Variants in NPAS3 observed in about 807,000 individuals in gnomAD.
NPAS3 encodes the protein neuronal PAS domain protein 3.
A neutral mutation model predicts 73.1 loss-of-function variants in NPAS3; 14 were observed. The observed-to-expected ratio is 0.19, with a 90% CI of 0.13 to 0.30. NPAS3 has a LOEUF of 0.30. Ranked by LOEUF, NPAS3 falls within the 10% of genes least tolerant of loss-of-function variation. The pLI, the probability that NPAS3 is intolerant of heterozygous loss-of-function variation, is 1.00. For synonymous variants in NPAS3, 620 were observed against 541.5 expected (o/e 1.14, Z -2.01); for missense variants, 1,096 against 1,250.0 (o/e 0.88, Z 1.86).
intron 3 of NPAS3, among the ~76,000 whole-genome samples, chr14:33,261,622 A>G (rs1056162203): frequency 3.3e-5 from 5 of 152,206 alleles, no homozygotes; most frequent in African/African-American, 9.6e-5. Context: ...TGACTCTTTT[A>G]GGTATTCAGA....
At chr14:33,298,722 G>A (rs1021532797) in intron 3 of NPAS3, among the ~76,000 whole-genome samples, 8 of 151,990 alleles carry the variant, frequency 5.3e-5, no homozygotes, top group African/African-American at 1.9e-4. Flanking sequence ...ATGTATAAGG[G>A]GAAATTCGTT....
intron 6 of NPAS3, among the ~76,000 whole-genome samples, chr14:33,682,253 A>G (rs2140364254): frequency 6.6e-6 from 1 of 152,308 alleles, no homozygotes; most frequent in Non-Finnish European, 1.5e-5. Context: ...GGGCTGTAGC[A>G]ATGATCGGGA....
At chr14:33,211,061 A>G (rs2047015628) in intron 2 of NPAS3, among the ~76,000 whole-genome samples, 1 of 152,210 alleles carries the variant, frequency 6.6e-6, no homozygotes, top group South Asian at 2.1e-4. Context: ...CATGTCTTAT[A>G]CAGCATTACT....
At chr14:33,556,140 C>T (rs1004620114) in intron 4 of NPAS3, among the ~76,000 whole-genome samples, 2 of 152,144 alleles carry the variant, frequency 1.3e-5, no homozygotes, top group African/African-American at 4.8e-5. Flanking sequence ...AGATGTTTAG[C>T]CTCCAGATAT....
chr14:33,658,957 G>C (rs917358277), intron 5 of NPAS3, among the ~76,000 whole-genome samples: 3 of 152,094 alleles, frequency 2.0e-5, no homozygotes, highest in Admixed American at 1.3e-4. Context: ...AGGCATAATA[G>C]ATAAGCTGCC....
At chr14:33,526,008 T>C (rs767262213) in intron 4 of NPAS3, among the ~76,000 whole-genome samples, 1 of 151,720 alleles carries the variant, frequency 6.6e-6, no homozygotes, top group Non-Finnish European at 1.5e-5. Flanking sequence ...AAAACACAGG[T>C]GAAATGAAAA....
intron 4 of NPAS3, among the ~76,000 whole-genome samples, chr14:33,518,789 T>C (rs80184860): frequency 6.6e-6 from 1 of 151,720 alleles, no homozygotes; most frequent in Non-Finnish European, 1.5e-5. Flanking sequence ...CCCAAATACT[T>C]CTCCTTCTTA....
chr14:33,286,713 T>C (rs1035479772), intron 3 of NPAS3, among the ~76,000 whole-genome samples: 23 of 152,164 alleles, frequency 1.5e-4, no homozygotes, highest in African/African-American at 5.6e-4. Context: ...GTTTTTTTAT[T>C]AGGTAGTCTC....
At chr14:33,049,470 G>A (rs1380224665) in intron 1 of NPAS3, among the ~76,000 whole-genome samples, 1 of 152,196 alleles carries the variant, frequency 6.6e-6, no homozygotes, top group Non-Finnish European at 1.5e-5. Context: ...AAGACAAGGA[G>A]GAGCAAGTCA....
chr14:33,088,412 T>G (rs2042108601), intron 2 of NPAS3, among the ~76,000 whole-genome samples: 1 of 152,104 alleles, frequency 6.6e-6, no homozygotes, highest in South Asian at 2.1e-4. Context: ...GCTCGGAGGG[T>G]CCCACGCCCA....
chr14:33,165,564 T>C (rs2045103335), intron 2 of NPAS3, among the ~76,000 whole-genome samples: 1 of 152,106 alleles, frequency 6.6e-6, no homozygotes. Flanking sequence ...AGTAGAATCA[T>C]TTCTAATCTG....
chr14:32,964,351 A>G (rs1226133851), intron 1 of NPAS3, among the ~76,000 whole-genome samples: 2 of 152,152 alleles, frequency 1.3e-5, no homozygotes, highest in African/African-American at 2.4e-5. Flanking sequence ...CCAAGGTCAT[A>G]TAACTAGCAA....
intron 7 of NPAS3, among the ~76,000 whole-genome samples, chr14:33,765,276 C>T (rs554627476): frequency 6.7e-4 from 100 of 150,212 alleles, no homozygotes; most frequent in Non-Finnish European, 1.1e-3. Flanking sequence ...TTATTTGCTC[C>T]CTTAGAAAAT....
At chr14:33,565,017 G>A (rs1327771876) in intron 5 of NPAS3, among the ~76,000 whole-genome samples, 1 of 152,074 alleles carries the variant, frequency 6.6e-6, no homozygotes, top group African/African-American at 2.4e-5. Flanking sequence ...CTTATATAAG[G>A]TATTTCCTGA....
intron 4 of NPAS3, among the ~76,000 whole-genome samples, chr14:33,485,558 T>C (rs2051544881): frequency 6.6e-6 from 1 of 152,132 alleles, no homozygotes; most frequent in African/African-American, 2.4e-5. Flanking sequence ...CCCACCTTCA[T>C]AGAGAAGAAT....
rs112057025 is a variant in NPAS3, at chr14:33,735,340, G to A, written c.852+8G>A. 1.5e-5 allele frequency: 24 copies of A among 1,586,776 alleles called. No homozygotes were observed. Among genetic ancestry groups the A allele is most frequent in the African/African-American group, 8.1e-5 (6 of 74,294 alleles). On this transcript the variant is annotated splice_region_variant and intron_variant, in intron 7 of 11. Transcript: ENST00000356141. ...AAATCATCAGGATATAAGGTAAGCCGGTTCCGGGAGGGGAGACATTGCTGT... is the reference window on the plus strand; with the variant it reads ...AAATCATCAGGATATAAGGTAAGCCAGTTCCGGGAGGGGAGACATTGCTGT...
At chr14:33,121,832 TA>T (rs1381702108) in intron 2 of NPAS3, among the ~76,000 whole-genome samples, 3 of 152,120 alleles carry the variant, frequency 2.0e-5, no homozygotes, top group Admixed American at 6.5e-5. Context: ...TCAGGTGAAT[TA>T]AAAAATGTAT....
intron 3 of NPAS3, among the ~76,000 whole-genome samples, chr14:33,290,603 A>G (rs1461530909): frequency 1.3e-5 from 2 of 152,236 alleles, no homozygotes; most frequent in South Asian, 2.1e-4. Flanking sequence ...TCAATTGTAT[A>G]ATCAACTGGT....
At chr14:33,439,381 A>G (rs2049134512) in intron 4 of NPAS3, among the ~76,000 whole-genome samples, 1 of 152,230 alleles carries the variant, frequency 6.6e-6, no homozygotes, top group African/African-American at 2.4e-5. Context: ...CTTGAAATTC[A>G]TTGTAGTAAA....
Sources: gnomAD v4.1 joint callset for allele counts (sites outside exome capture counted in the v4.1 genomes callset) on GRCh38, gnomAD v4.1.1 for gene constraint, MANE v1.5 for transcripts, NCBI Gene and HGNC (gene_info 2026-07-23, HGNC 2026-07-21) for gene names.